The following PEAK3 variants were observed in gnomAD, a reference collection of about 807,000 sequenced individuals.
PEAK3 encodes PEAK family member 3, also known as protein PEAK3.
PEAK3 carries 15 observed loss-of-function variants against 13.3 expected under a neutral mutation model. The observed-to-expected ratio is 1.13, with a 90% confidence interval of 0.75 to 1.73. The LOEUF is 1.73. Ranked by LOEUF, PEAK3 falls within the 40% of genes most tolerant of loss-of-function variation. The probability of loss-of-function intolerance (pLI) is 0.00; values close to 1 mark genes in which losing one functional copy is unlikely to be tolerated. For missense variants in PEAK3, 739 were observed against 690.2 expected, an observed-to-expected ratio of 1.07 and a Z score of -0.79; for synonymous variants, 347 against 341.9, an observed-to-expected ratio of 1.01 and a Z score of -0.17.
chr19:2,275,830 CAGCCAGGGCCCGAGCGCTCGG>C lies in PEAK3; in HGVS notation c.1251_1271del (p.Ala419_Arg425del). 2.0e-6 allele frequency: 3 copies of C among 1,511,688 alleles called. No homozygotes were observed. Among genetic ancestry groups the C allele is most frequent in the Non-Finnish European group, 2.6e-6 (3 of 1,136,048 alleles). 93.6% of individuals were successfully genotyped at this position (1,511,688 alleles called of 1,614,324 possible). ...GGACCAGCAGCCCGCGGCGCACCCGCAGCCAGGGCCCGAGCGCTCGGAGCCAGGGACCAAGCGGTGCTCCGC... is the reference window on the plus strand; with the variant it reads ...GGACCAGCAGCCCGCGGCGCACCCGCAGCCAGGGACCAAGCGGTGCTCCGC... On this transcript the variant is annotated inframe_deletion, in exon 4 of 4. Coordinates refer to ENST00000342063, the MANE Select transcript of PEAK3 (RefSeq NM_198532.3).
Position 2,275,865 on chromosome 19 carries a change from G to T in PEAK3, c.1237C>A (p.Leu413Ile). 1.0e-5 allele frequency: 15 copies of T among 1,458,628 alleles called. No individual in the cohort carries two copies. The highest frequency in any genetic ancestry group is 1.3e-5 in the Non-Finnish European group (15 of 1,112,396). The allele number at this position is 1,458,628 out of a possible 1,614,324, so 90.4% of individuals were successfully genotyped here. ...CCGAGCGCTCGGAGCCAGGGACCAAGCGGTGCTCCGCGGCCGCGCAGCTCA... is the reference window on the plus strand; with the variant it reads ...CCGAGCGCTCGGAGCCAGGGACCAATCGGTGCTCCGCGGCCGCGCAGCTCA... Reference protein sequence around the residue: ...GPELRGRGAPLGPWLRALGPW... With the variant: ...GPELRGRGAPIGPWLRALGPW... Residue 413 changes from leucine (L) to isoleucine (I), a missense_variant, in exon 4 of 4, where the codon CTT (leucine) becomes ATT (isoleucine). Leu to Ile is a conservative substitution (Grantham distance 5). Transcript: ENST00000342063.
In PEAK3 at chr19:2,276,186, G is replaced by C; in HGVS notation, c.916C>G (p.Arg306Gly). ...EAWGAALVELRPENLLLVAPR... is the reference protein window; with the variant it reads ...EAWGAALVELGPENLLLVAPR... ...GCCACCAGCAGCAAGTTCTCCGGCC[G>C]CAACTCGACTAGGGCCGCGCCCCAC... Residue 306 changes from arginine to glycine, a missense_variant, in exon 4 of 4, where the codon CGG becomes GGG. Physicochemically the swap from Arg to Gly is moderately radical, Grantham distance 125. Coordinates refer to ENST00000342063, the MANE Select transcript of PEAK3 (RefSeq NM_198532.3). 1 of 1,552,856 alleles carries C rather than the reference G, an allele frequency of 6.4e-7. No individual in the cohort carries two copies. Among genetic ancestry groups the C allele is most frequent in the Non-Finnish European group, 8.7e-7 (1 of 1,151,428 alleles).
At chr19:2,276,620 T>G in intron 3 of PEAK3, 131 bp from the exon 4 acceptor site, 1 of 704,826 alleles carries the variant, frequency 1.4e-6, no homozygotes, top group Non-Finnish European at 2.2e-6. Context: ...AGGGGCTGCC[T>G]GCATCCCTCC....
Position 2,276,137 on chromosome 19 carries a change from C to T in PEAK3, c.965G>A (p.Gly322Glu), listed in dbSNP as rs1421853762. ...LVAPRGCATT[G>E]PPRLLLTDFG... ...GTCAGTGAGGAGCAGGCGTGGGGGC[C>T]CCGTCGTCGCACAGCCCCGAGGTGC... Residue 322 changes from glycine (G) to glutamate (E), a missense_variant, in exon 4 of 4, where the codon GGG becomes GAG. Physicochemically the swap from Gly to Glu is moderately conservative, Grantham distance 98. Coordinates refer to ENST00000342063, the MANE Select transcript of PEAK3 (RefSeq NM_198532.3). 1 of 1,540,840 alleles carries T rather than the reference C, an allele frequency of 6.5e-7. No individual in the cohort carries two copies. The highest frequency in any genetic ancestry group is 2.5e-5 in the East Asian group (1 of 40,634).
Position 2,280,899 on chromosome 19 carries a change from G to A in PEAK3, c.33C>T (p.Pro11=), listed in dbSNP as rs372360199. 50 of 1,591,976 alleles carry A rather than the reference G, an allele frequency of 3.1e-5. No individual in the cohort carries two copies. Among genetic ancestry groups the A allele is most frequent in the East Asian group, 1.1e-4 (5 of 43,704 alleles). The stretch of plus-strand genomic sequence containing the variant: ...TCGACCAGGTGGGGTTGTCGGGCTC[G>A]GGGGGCTCTGTGGGGGGCTCCGGGC... The part of the protein sequence containing the change: MSSPEPPTEP[P]EPDNPTWSTQ... Residue 11 remains proline, a synonymous_variant, in exon 2 of 4, where the codon CCC becomes CCT. Transcript: ENST00000342063.
In PEAK3 at chr19:2,278,851, G is replaced by C. The variant is rs145265993; in HGVS notation, c.345C>G (p.Gly115=). The C allele has an allele frequency of 2.5e-6, 4 of 1,597,480 alleles. No homozygotes were observed. Among genetic ancestry groups the C allele is most frequent in the South Asian group, 1.1e-5 (1 of 88,908 alleles). Residue 115 remains glycine, a synonymous_variant, in exon 3 of 4, where the codon GGC becomes GGG. Transcript: ENST00000342063. ...AGAGGCCCAGTGGGGCGTCAGCCGG[G>C]CCAAAGGTCAGCTCTGCAGGGAGAC... The part of the protein sequence containing the change: ...PACLPAELTF[G]PADAPLGLSL...
Position 2,280,877 on chromosome 19 carries a change from A to G in PEAK3, c.55T>C (p.Ser19Pro), listed in dbSNP as rs2145075606. The change falls in exon 2 of 4, where the codon TCG becomes CCG. Residue 19 changes from serine (S) to proline (P), a missense_variant. Ser to Pro is a moderately conservative substitution (Grantham distance 74, BLOSUM62 -1). Coordinates refer to ENST00000342063, the MANE Select transcript of PEAK3 (RefSeq NM_198532.3). ...AGGTTGCTATACGTGGGCTGAGTCG[A>G]CCAGGTGGGGTTGTCGGGCTCGGGG... Reference protein sequence around the residue: ...EPPEPDNPTWSTQPTYSNLGQ... With the variant: ...EPPEPDNPTWPTQPTYSNLGQ... 6.2e-7 allele frequency: 1 copy of G among 1,604,498 alleles called. No homozygotes were observed. The highest frequency in any genetic ancestry group is 1.3e-5 in the African/African-American group (1 of 74,108).
rs927921139 is a variant in PEAK3, at chr19:2,276,055, C to T, written c.1047G>A (p.Ala349=). The stretch of plus-strand genomic sequence containing the variant: ...CTCGGAGGAGGCTGCCCAGCTGCGG[C>T]GCGTGGGGGCCCGGGGATCCCGGGG... ...PGPPGSPGPH[A]PQLGSLLRAL... is the part of the protein sequence containing the mutation. Residue 349 remains alanine (A), a synonymous_variant, in exon 4 of 4, where the codon GCG becomes GCA. Transcript: ENST00000342063. The T allele has an allele frequency of 1.1e-4, 153 of 1,447,406 alleles. No homozygotes were observed. The highest frequency in any genetic ancestry group is 1.3e-4 in the Non-Finnish European group (146 of 1,101,720). The allele number at this position is 1,447,406 out of a possible 1,614,324, so 89.7% of individuals were successfully genotyped here. A position where few individuals can be genotyped will look rare whatever the true frequency, so the allele number is the denominator to read the frequency against.
intron 2 of PEAK3, among the ~76,000 whole-genome samples, chr19:2,279,529 G>C (rs796667465): frequency 6.6e-6 from 1 of 151,998 alleles, no homozygotes; most frequent in African/African-American, 2.4e-5. Context: ...GGTGGTGGGC[G>C]CCTGTGGTCC....
Position 2,282,142 on chromosome 19 carries a change from A to G in PEAK3, c.-60T>C, listed in dbSNP as rs1293463371. 2.0e-5 allele frequency: 3 copies of G among 152,478 alleles called. No homozygotes were observed. The highest frequency in any genetic ancestry group is 2.1e-4 in the South Asian group (1 of 4,852). 9.4% of individuals were successfully genotyped at this position (152,478 alleles called of 1,614,324 possible). A position where few individuals can be genotyped will look rare whatever the true frequency, so the allele number is the denominator to read the frequency against. On this transcript the variant is annotated 5_prime_UTR_variant, in exon 1 of 4. Transcript: ENST00000342063. ...AGGGGTCCGTGGGGACAAACTCCCA[A>G]TGGCCACAGCCCCTGGCCTCGCAGG...
rs2025424618 is a variant in PEAK3 at position 2,279,908 on chromosome 19, T to A, written c.83-795A>T. 2.0e-5 allele frequency among the ~76,000 whole-genome samples: 3 copies of A among 151,374 alleles called. No individual in the cohort carries two copies. In the South Asian group the frequency reaches 6.2e-4, roughly 31 times the overall value. ...GGGACTACAGGTGCCCGCCCGCCAC[T>A]ATGCCCAGCTAATTTTTGTATTTTT... On this transcript the variant is annotated intron_variant, in intron 2 of 3. Coordinates refer to ENST00000342063, the MANE Select transcript of PEAK3 (RefSeq NM_198532.3).
chr19:2,279,789 G>T (rs538392104), intron 2 of PEAK3, among the ~76,000 whole-genome samples: 1 of 151,634 alleles, frequency 6.6e-6, no homozygotes, highest in Admixed American at 6.6e-5. Context: ...TTGCTCTGTC[G>T]CCCAGCCTGG....
At position 2,279,524 on chromosome 19, in the gene PEAK3, TG is replaced by T. The variant is rs541417123; in HGVS notation, c.83-412del. 2.6e-5 allele frequency among the ~76,000 whole-genome samples: 4 copies of T among 151,852 alleles called. No individual in the cohort carries two copies. The South Asian group carries it at 8.4e-4, about 32-fold the overall frequency. ...ACAAAAAATTAGCCGGGCTTGGTGG[TG>T]GGCGCCTGTGGTCCCAGCTACTCGG... is the stretch of plus-strand genomic sequence containing the variant. On this transcript the variant is annotated intron_variant, in intron 2 of 3. Coordinates refer to ENST00000342063, the MANE Select transcript of PEAK3 (RefSeq NM_198532.3).
rs143138841 is a variant in PEAK3, at chr19:2,279,374, C to T, written c.83-261G>A. 3.4e-3 allele frequency among the ~76,000 whole-genome samples: 520 copies of T among 152,102 alleles called. 2 individuals carry two copies. Among genetic ancestry groups the T allele is most frequent in the African/African-American group, 0.011 (457 of 41,486 alleles). ...AAATTTTTTAAAAATTTGCCGGACG[C>T]GGCCATGCACAATGGCTCATGCCTG... On this transcript the variant is annotated intron_variant, in intron 2 of 3. Coordinates refer to ENST00000342063, the MANE Select transcript of PEAK3 (RefSeq NM_198532.3).
intron 3 of PEAK3, among the ~76,000 whole-genome samples, chr19:2,277,290 C>T (rs938468125): frequency 6.6e-6 from 1 of 152,130 alleles, no homozygotes; most frequent in African/African-American, 2.4e-5. Context: ...AATGGCTCAG[C>T]ACCATCTCCC....
rs2025391772 is a variant in PEAK3 at position 2,276,503 on chromosome 19, G to C, written c.613-14C>G. ...GGGCTTGGGCACCTGCAAGGCAGAGGGGGTGTCGGGGCCTGGATCACTGGG... is the reference window on the plus strand; with the variant it reads ...GGGCTTGGGCACCTGCAAGGCAGAGCGGGTGTCGGGGCCTGGATCACTGGG... On this transcript the variant is annotated splice_polypyrimidine_tract_variant and intron_variant, in intron 3 of 3. Transcript: ENST00000342063. 1.3e-6 allele frequency: 2 copies of C among 1,491,130 alleles called. No individual in the cohort carries two copies. Among genetic ancestry groups the C allele is most frequent in the East Asian group, 2.3e-5 (1 of 42,828 alleles). The allele number at this position is 1,491,130 out of a possible 1,614,324, so 92.4% of individuals were successfully genotyped here.
In PEAK3 at chr19:2,278,659, G is replaced by T. The variant is rs544662579; in HGVS notation, c.537C>A (p.Cys179Ter). ...AATACAGGGCGTCCCCGCTCTCTGC[G>T]CAGGGTGAGCTGTCTAGGAGGCGGA... ...HSFRLLDSSP[C>*]AESGDALYYR... Residue 179 changes from cysteine to a stop codon, truncating the protein, a stop_gained, in exon 3 of 4, where the codon TGC (cysteine) becomes TGA (stop). Coordinates refer to ENST00000342063, the MANE Select transcript of PEAK3 (RefSeq NM_198532.3). LOFTEE classifies it high-confidence loss of function. The T allele has an allele frequency of 1.3e-6, 2 of 1,513,038 alleles. No homozygotes were observed. The highest frequency in any genetic ancestry group is 1.3e-5 in the South Asian group (1 of 75,640). 93.7% of individuals were successfully genotyped at this position (1,513,038 alleles called of 1,614,324 possible).
Position 2,282,140 on chromosome 19 carries a change from C to CA in PEAK3, c.-59dup, listed in dbSNP as rs1202527513. 6.6e-6 allele frequency: 1 copy of CA among 152,576 alleles called. No individual in the cohort carries two copies. The highest frequency in any genetic ancestry group is 1.5e-5 in the Non-Finnish European group (1 of 68,308). 9.5% of individuals were successfully genotyped at this position (152,576 alleles called of 1,614,324 possible). A position where few individuals can be genotyped will look rare whatever the true frequency, so the allele number is the denominator to read the frequency against. Reference sequence around the variant, plus strand: ...GGAGGGGTCCGTGGGGACAAACTCCCAATGGCCACAGCCCCTGGCCTCGCA... The same window carrying CA: ...GGAGGGGTCCGTGGGGACAAACTCCCAAATGGCCACAGCCCCTGGCCTCGCA... On this transcript the variant is annotated 5_prime_UTR_variant, in exon 1 of 4. Coordinates refer to ENST00000342063, the MANE Select transcript of PEAK3 (RefSeq NM_198532.3).
At chr19:2,281,085 C>G in intron 1 of PEAK3, 150 bp from the exon 2 acceptor site, 3 of 562,208 alleles carry the variant, frequency 5.3e-6, no homozygotes, top group Non-Finnish European at 6.2e-6. Context: ...CCACACTCCA[C>G]TCCCTTGTCC....
Sources: allele counts gnomAD v4.1 joint callset (sites outside exome capture counted in the v4.1 genomes callset), GRCh38; gene constraint gnomAD v4.1.1; transcripts MANE v1.5; gene names NCBI Gene and HGNC (gene_info 2026-07-23, HGNC 2026-07-21).